Variants in AGRN observed in about 807,000 individuals in gnomAD.
AGRN encodes the protein agrin proteoglycan.
In AGRN, 106 loss-of-function variants were observed where a neutral mutation model predicts 211.0. That is an observed-to-expected ratio of 0.50 (90% CI 0.43 to 0.59). The LOEUF (loss-of-function observed/expected upper bound fraction) is 0.59. Ranked by LOEUF, AGRN falls within the 20% of genes least tolerant of loss-of-function variation. The probability of loss-of-function intolerance (pLI) is 0.00; values close to 1 mark genes in which losing one functional copy is unlikely to be tolerated. For missense variants in AGRN, 3,040 were observed against 2,982.6 expected (o/e 1.02, Z -0.45); for synonymous variants, 1,525 against 1,332.5 (o/e 1.14, Z -3.15).
At chr1:1,020,705 G>A (rs1465616481) in intron 1 of AGRN, among the ~76,000 whole-genome samples, 1 of 152,172 alleles carries the variant, frequency 6.6e-6, no homozygotes, top group African/African-American at 2.4e-5. Context: ...CCCGGGCGGG[G>A]AGCGGGGGCT....
chr1:1,053,570 T>C, intron 33 of AGRN, 183 bp from the exon 34 acceptor site: 1 of 1,519,346 alleles, frequency 6.6e-7, no homozygotes. Flanking sequence ...GATCTCTCTC[T>C]GCCAGGCTGC....
intron 2 of AGRN, among the ~76,000 whole-genome samples, chr1:1,023,850 C>T (rs558263031): frequency 2.0e-5 from 3 of 152,266 alleles, no homozygotes; most frequent in East Asian, 3.9e-4. Flanking sequence ...GAGGAGGGTC[C>T]GTGGGGAGCC....
intron 3 of AGRN, among the ~76,000 whole-genome samples, chr1:1,038,894 G>C (rs971723772): frequency 6.6e-6 from 1 of 152,206 alleles, no homozygotes; most frequent in Non-Finnish European, 1.5e-5. Flanking sequence ...AAAGGGCCAG[G>C]GGTGCATGTG....
intron 19 of AGRN, 159 bp from the exon 20 acceptor site, chr1:1,047,168 C>A (rs758004472): frequency 1.3e-5 from 18 of 1,367,422 alleles, no homozygotes; most frequent in Admixed American, 2.7e-5. Context: ...TCCTGGTAAC[C>A]GACACCAGCC....
chr1:1,040,624 G>A (rs1260711734), intron 3 of AGRN, 41 bp from the exon 4 acceptor site: 1 of 1,543,672 alleles, frequency 6.5e-7, no homozygotes, highest in Admixed American at 2.0e-5. Flanking sequence ...CGTGGGTACG[G>A]GCGTCTCGGC....
intron 35 of AGRN, 111 bp downstream of exon 35, chr1:1,054,662 G>T (rs1645403597): frequency 1.3e-6 from 2 of 1,484,652 alleles, no homozygotes; most frequent in South Asian, 1.2e-5. Flanking sequence ...GTGAGCCGGC[G>T]GGCTGGGCTC....
intron 12 of AGRN, among the ~76,000 whole-genome samples, 165 bp downstream of exon 12, chr1:1,044,604 TGCGTGTGTGG>T (rs1326902907): frequency 6.6e-6 from 1 of 152,158 alleles, no homozygotes; most frequent in African/African-American, 2.4e-5. Flanking sequence ...TTTGTGCAGC[TGCGTGTGTGG>T]GCGTGTGTGT....
chr1:1,024,449 C>T (rs1317513424), intron 2 of AGRN, among the ~76,000 whole-genome samples: 1 of 152,172 alleles, frequency 6.6e-6, no homozygotes, highest in South Asian at 2.1e-4. Flanking sequence ...GCTGACCTCT[C>T]CCCATCTGAC....
rs1310963451 is a variant in AGRN, at chr1:1,022,316, A to T, written c.317A>T (p.Gln106Leu). 1 of 1,613,408 alleles carries T rather than the reference A, an allele frequency of 6.2e-7. No individual in the cohort carries two copies. ...GGAGACCCCCTCATCTGTGACAACC[A>T]GGTGTCCACTGGGGACACCAGGATC... Reference protein sequence around the residue: ...GFGDPLICDNQVSTGDTRIFF... With the variant: ...GFGDPLICDNLVSTGDTRIFF... Residue 106 changes from glutamine (Q) to leucine (L), a missense_variant, in exon 2 of 36, where the codon CAG (glutamine) becomes CTG (leucine). By Grantham distance (113) the Gln-to-Leu change is moderately radical. Around this residue, in one of 3 missense-constraint regions of AGRN, gnomAD observed 1,498 missense variants for 1,457.8 expected, o/e 1.03. Coordinates refer to ENST00000379370, the MANE Select transcript of AGRN (RefSeq NM_198576.4).
Position 1,043,822 on chromosome 1 carries a change from G to A in AGRN, c.1799-1G>A. On this transcript the variant is annotated splice_acceptor_variant, in intron 9 of 35. Transcript: ENST00000379370. LOFTEE classifies it high-confidence loss of function. ...CCCCTGCCTGGCTCTGTCTCCTGCA[G>A]AGACCTGTGGAGATGCCGTGTGTGC... 1 of 1,610,764 alleles carries A rather than the reference G, an allele frequency of 6.2e-7. No individual in the cohort carries two copies.
At chr1:1,049,841 T>G (rs1386732550) in intron 26 of AGRN, 46 bp downstream of exon 26, 1 of 1,610,508 alleles carries the variant, frequency 6.2e-7, no homozygotes, top group Admixed American at 1.7e-5. Context: ...CCGGGGCCTG[T>G]GGGCGGTACC....
intron 19 of AGRN, 45 bp downstream of exon 19, chr1:1,047,002 T>C: frequency 6.4e-7 from 1 of 1,554,000 alleles, no homozygotes; most frequent in Non-Finnish European, 8.7e-7. Context: ...TAGCCTGGGC[T>C]CGGCCGAGGT....
intron 29 of AGRN, 24 bp from the exon 30 acceptor site, chr1:1,050,702 A>G: frequency 6.3e-7 from 1 of 1,599,706 alleles, no homozygotes; most frequent in Non-Finnish European, 8.5e-7. Flanking sequence ...GACAGAGCCC[A>G]CTCACGCTGC....
At chr1:1,052,585 AGT>A (rs995634802) in intron 33 of AGRN, 41 of 186,780 alleles carry the variant, frequency 2.2e-4, no homozygotes, top group Non-Finnish European at 3.6e-4. Flanking sequence ...TGTGTGTCTG[AGT>A]GTGTGCGCAC....
In AGRN at chr1:1,048,123, C is replaced by T; in HGVS notation, c.3863C>T (p.Ala1288Val). ...CCGTCCTCTGCTGTGACCCCTCGGG[C>T]CCCGCACCCCAGTCACACAAGCCAG... ...RLPSSAVTPR[A>V]PHPSHTSQPV... Residue 1288 changes from alanine (A) to valine (V), a missense_variant, in exon 23 of 36, where the codon GCC becomes GTC. Transcript: ENST00000379370. The surrounding 1 kb of genome is among the most constrained non-coding windows in gnomAD (Gnocchi z 5.9). 2 of 1,569,908 alleles carry T rather than the reference C, an allele frequency of 1.3e-6. No individual in the cohort carries two copies. Among genetic ancestry groups the T allele is most frequent in the Non-Finnish European group, 1.7e-6 (2 of 1,165,406 alleles).
At chr1:1,054,227 G>A (rs1023169926) in intron 34 of AGRN, among the ~76,000 whole-genome samples, 20 of 152,190 alleles carry the variant, frequency 1.3e-4, no homozygotes, top group Non-Finnish European at 2.6e-4. Flanking sequence ...GAGCCTGGCC[G>A]TCGCCTCCAG....
intron 19 of AGRN, 30 bp from the exon 20 acceptor site, chr1:1,047,297 A>G: frequency 1.3e-6 from 2 of 1,571,896 alleles, no homozygotes; most frequent in Non-Finnish European, 1.7e-6. Flanking sequence ...GGCAGATGCC[A>G]GGCAGGGCCT....
chr1:1,029,114 T>C (rs1305854680), intron 2 of AGRN, among the ~76,000 whole-genome samples: 9 of 143,090 alleles, frequency 6.3e-5, no homozygotes, highest in African/African-American at 1.4e-4. Flanking sequence ...ACGCCACCCT[T>C]TCCGAAGGAA....
chr1:1,028,367 C>A (rs1644569195), intron 2 of AGRN, among the ~76,000 whole-genome samples: 1 of 146,174 alleles, frequency 6.8e-6, no homozygotes, highest in African/African-American at 2.6e-5. Flanking sequence ...CACCTGTGGG[C>A]ACTGACCACT....
Sources: gnomAD v4.1 joint callset for allele counts (sites outside exome capture counted in the v4.1 genomes callset) on GRCh38, gnomAD v4.1.1 for gene constraint, gnomAD v4.1.1 regional missense constraint, Gnocchi (gnomAD v3.1) non-coding constraint, MANE v1.5 for transcripts, NCBI Gene and HGNC (gene_info 2026-07-23, HGNC 2026-07-21) for gene names.